Variants in ERCC6 observed in about 807,000 individuals in gnomAD.
ERCC6 encodes the protein ERCC excision repair 6, chromatin remodeling factor.
ERCC6 carries 116 observed loss-of-function variants against 158.7 expected under a neutral mutation model. The observed-to-expected ratio is 0.73, with a 90% CI of 0.63 to 0.85. The LOEUF (loss-of-function observed/expected upper bound fraction) is 0.85, where lower values mean the gene tolerates loss of function less well. ERCC6 is among the 40% of genes least tolerant of loss of function. The pLI is 0.00. For missense variants in ERCC6, 1,698 were observed against 1,799.4 expected (o/e 0.94, Z 1.02); for synonymous variants, 678 against 659.3 (o/e 1.03, Z -0.43).
the ERCC6 span, among the ~76,000 whole-genome samples, chr10:49,438,318 G>C: frequency 6.6e-6 from 1 of 152,302 alleles, no homozygotes; most frequent in African/African-American, 2.4e-5. Flanking sequence ...GGCTGGGGAG[G>C]CCTCAGAATC....
Position 49,473,035 on chromosome 10 carries a change from G to GT in ERCC6, c.2710-8dup, listed in dbSNP as rs2132540436. 6.2e-7 allele frequency: 1 copy of GT among 1,613,992 alleles called. No individual in the cohort carries two copies. Among genetic ancestry groups the GT allele is most frequent in the Non-Finnish European group, 8.5e-7 (1 of 1,179,958 alleles). ...ACACAAATATGGATGTGTCCTAGAGGTAAGACACACAACACTGAGCACACA... is the reference window on the plus strand; with the variant it reads ...ACACAAATATGGATGTGTCCTAGAGGTTAAGACACACAACACTGAGCACACA... On this transcript the variant is annotated splice_polypyrimidine_tract_variant and splice_region_variant and intron_variant, in intron 14 of 20. Transcript: ENST00000355832.
chr10:49,537,629 G>T (rs1179128025), intron 1 of ERCC6, among the ~76,000 whole-genome samples: 2 of 152,142 alleles, frequency 1.3e-5, no homozygotes, highest in East Asian at 3.8e-4. Context: ...TAGATGTGGG[G>T]TCAAGGAGGC....
the ERCC6 span, among the ~76,000 whole-genome samples, chr10:49,447,041 C>T: frequency 6.6e-6 from 1 of 152,052 alleles, no homozygotes; most frequent in African/African-American, 2.4e-5. Flanking sequence ...GAAAAACACC[C>T]ATAAATCAGA....
the ERCC6 span, among the ~76,000 whole-genome samples, chr10:49,448,464 T>C: frequency 1.3e-5 from 2 of 152,364 alleles, no homozygotes; most frequent in Non-Finnish European, 2.9e-5. Context: ...ATAATTCATA[T>C]ACCATATAAC....
At chr10:49,473,937 G>C in intron 13 of ERCC6, 90 bp downstream of exon 13, 1 of 1,197,572 alleles carries the variant, frequency 8.4e-7, no homozygotes, top group Non-Finnish European at 1.2e-6. Flanking sequence ...ACTTGCTTCA[G>C]AATCATTACT....
chr10:49,499,931 A>G (rs548144172), intron 7 of ERCC6, among the ~76,000 whole-genome samples: 1 of 152,296 alleles, frequency 6.6e-6, no homozygotes, highest in Non-Finnish European at 1.5e-5. Context: ...CATAAAGTTC[A>G]TAGATTGGGA....
intron 16 of ERCC6, 30 bp downstream of exon 16, chr10:49,472,346 C>T (rs1033413314): frequency 6.3e-7 from 1 of 1,596,080 alleles, no homozygotes. Context: ...TGGGAACGCA[C>T]AGCCAAGAGT....
intron 18 of ERCC6, among the ~76,000 whole-genome samples, chr10:49,467,751 T>C (rs1564728115): frequency 6.6e-6 from 1 of 151,804 alleles, no homozygotes; most frequent in Non-Finnish European, 1.5e-5. Flanking sequence ...TTATTTTTTG[T>C]AGAGATAGGA....
At chr10:49,503,187 G>A (rs1171023627) in intron 6 of ERCC6, 1 of 152,134 alleles carries the variant, frequency 6.6e-6, no homozygotes, top group Admixed American at 6.5e-5. Context: ...GCGGAAAGGA[G>A]CAGTTGAGAA....
intron 1 of ERCC6, among the ~76,000 whole-genome samples, chr10:49,537,045 G>A (rs953001923): frequency 6.6e-6 from 1 of 152,162 alleles, no homozygotes; most frequent in Non-Finnish European, 1.5e-5. Context: ...AATTTCAGAA[G>A]TGAAATAAAT....
chr10:49,474,988 GGTAGCTATCACTA>G (rs1196757377), intron 12 of ERCC6, among the ~76,000 whole-genome samples: 1 of 152,126 alleles, frequency 6.6e-6, no homozygotes, highest in African/African-American at 2.4e-5. Flanking sequence ...CAAAGGGTAG[GGTAGCTATCACTA>G]GTAAACAACA....
chr10:49,500,478 T>C, intron 7 of ERCC6, 60 bp downstream of exon 7: 1 of 1,543,944 alleles, frequency 6.5e-7, no homozygotes, highest in Non-Finnish European at 8.9e-7. Context: ...TCCACAGCAA[T>C]ACATCTGATG....
rs1434618214 is a variant in ERCC6 at position 49,455,320 on chromosome 10, GA to G, written c.*3494del. On this transcript the variant is annotated 3_prime_UTR_variant, in exon 21 of 21. Transcript: ENST00000355832. ...TCAGAAACATTATATTAATTATAAA[GA>G]GGTCTATTATTCTCAAATTAATGTG... is the stretch of plus-strand genomic sequence containing the variant. 2 of 152,246 alleles carry G rather than the reference GA, an allele frequency of 1.3e-5. No individual in the cohort carries two copies. Among genetic ancestry groups the G allele is most frequent in the African/African-American group, 2.4e-5 (1 of 41,538 alleles). The allele number at this position is 152,246 out of a possible 1,614,324, so 9.4% of individuals were successfully genotyped here.
At chr10:49,516,858 G>T (rs1836986136) in intron 5 of ERCC6, 1 of 1,614,052 alleles carries the variant, frequency 6.2e-7, no homozygotes, top group Non-Finnish European at 8.5e-7. Flanking sequence ...TTCATCAGGA[G>T]AGTCATCTTT....
chr10:49,528,593 C>T (rs886525190), intron 3 of ERCC6, 68 bp from the exon 4 acceptor site: 14 of 1,566,950 alleles, frequency 8.9e-6, no homozygotes, highest in Admixed American at 1.8e-5. Flanking sequence ...CAAAAGATAG[C>T]ATTATGAAAT....
At position 49,524,597 on chromosome 10, in the gene ERCC6, T is replaced by C; in HGVS notation, c.833A>G (p.Gln278Arg). ...CTTCCTTTCAAAAGACAGTTTTGCT[T>C]GATCTGCCAAATACTTTTCGAAGCC... Reference protein sequence around the residue: ...ASGFEKYLADQAKLSFERKKQ... With the variant: ...ASGFEKYLADRAKLSFERKKQ... Residue 278 changes from glutamine to arginine, a missense_variant, in exon 5 of 21, where the codon CAA becomes CGA. Coordinates refer to ENST00000355832, the MANE Select transcript of ERCC6 (RefSeq NM_000124.4). 6.2e-7 allele frequency: 1 copy of C among 1,614,250 alleles called. No individual in the cohort carries two copies. The highest frequency in any genetic ancestry group is 8.5e-7 in the Non-Finnish European group (1 of 1,180,044).
chr10:49,446,261 C>A, the ERCC6 span, among the ~76,000 whole-genome samples: 4 of 139,850 alleles, frequency 2.9e-5, no homozygotes, highest in Non-Finnish European at 4.6e-5. Flanking sequence ...ACACACACCC[C>A]CCAATTTACT....
At chr10:49,514,988 T>C (rs113196138) in intron 5 of ERCC6, among the ~76,000 whole-genome samples, 76 of 152,102 alleles carry the variant, frequency 5.0e-4, no homozygotes, top group African/African-American at 1.7e-3. Flanking sequence ...AAGACTGATA[T>C]AGACAATTAT....
the ERCC6 span, among the ~76,000 whole-genome samples, chr10:49,439,623 C>G: frequency 6.6e-6 from 1 of 152,170 alleles, no homozygotes; most frequent in East Asian, 1.9e-4. Context: ...TTTCTACAGC[C>G]GACTTGAATT....
Sources: allele counts gnomAD v4.1 joint callset (sites outside exome capture counted in the v4.1 genomes callset), GRCh38; gene constraint gnomAD v4.1.1; transcripts MANE v1.5; gene names NCBI Gene and HGNC (gene_info 2026-07-23, HGNC 2026-07-21).